The following SVOPL variants were observed in gnomAD, a reference collection of about 807,000 sequenced individuals.
The protein encoded by SVOPL is putative transporter SVOPL.
In SVOPL, 60 loss-of-function variants were observed where a neutral mutation model predicts 61.0. The observed-to-expected ratio is 0.98, with a 90% CI of 0.80 to 1.22. The LOEUF (loss-of-function observed/expected upper bound fraction) is 1.22. SVOPL is among the 50% of genes most tolerant of loss of function. SVOPL has a pLI of 0.00. For synonymous variants in SVOPL, 279 were observed against 250.0 expected (o/e 1.12, Z -1.09); for missense variants, 662 against 643.9 (o/e 1.03, Z -0.30).
chr7:138,659,265 G>A (rs2117070400), intron 6 of SVOPL, among the ~76,000 whole-genome samples: 1 of 152,262 alleles, frequency 6.6e-6, no homozygotes, highest in Non-Finnish European at 1.5e-5. Context: ...GCCAAGGCGG[G>A]TGGATTACCT....
intron 3 of SVOPL, among the ~76,000 whole-genome samples, chr7:138,673,812 A>T (rs1802487875): frequency 6.6e-6 from 1 of 152,186 alleles, no homozygotes; most frequent in Non-Finnish European, 1.5e-5. Flanking sequence ...TAGTAGCCTT[A>T]GGGGAGAGGG....
At chr7:138,642,914 A>C (rs1584822030) in intron 9 of SVOPL, among the ~76,000 whole-genome samples, 2 of 151,928 alleles carry the variant, frequency 1.3e-5, no homozygotes, top group East Asian at 3.9e-4. Context: ...AAGTATAAAC[A>C]AAAGTAGACT....
At chr7:138,674,055 G>A (rs1340877003) in intron 3 of SVOPL, among the ~76,000 whole-genome samples, 1 of 151,966 alleles carries the variant, frequency 6.6e-6, no homozygotes, top group Non-Finnish European at 1.5e-5. Context: ...GGGCGTGGTG[G>A]CATGTGCCTA....
chr7:138,661,389 A>G (rs754938592), intron 5 of SVOPL: 6 of 985,292 alleles, frequency 6.1e-6, no homozygotes, highest in African/African-American at 3.5e-5. Flanking sequence ...ACATCCATCA[A>G]CTTGAGAGAG....
intron 14 of SVOPL, among the ~76,000 whole-genome samples, chr7:138,603,607 G>T (rs1393683557): frequency 6.6e-6 from 1 of 152,182 alleles, no homozygotes; most frequent in Non-Finnish European, 1.5e-5. Context: ...GGCAGGCAGA[G>T]GTTGCAGTGA....
chr7:138,648,811 A>G (rs1801269452), intron 8 of SVOPL, among the ~76,000 whole-genome samples: 1 of 151,982 alleles, frequency 6.6e-6, no homozygotes, highest in Admixed American at 6.6e-5. Context: ...AATCCCAGCT[A>G]CTCGGGAGGC....
At chr7:138,644,308 C>T (rs985298151) in intron 9 of SVOPL, among the ~76,000 whole-genome samples, 4 of 150,688 alleles carry the variant, frequency 2.7e-5, no homozygotes, top group African/African-American at 9.7e-5. Context: ...GAGCCAATTT[C>T]ACCAAATGTT....
intron 4 of SVOPL, among the ~76,000 whole-genome samples, chr7:138,671,536 C>T (rs1353308277): frequency 3.3e-5 from 5 of 152,004 alleles, no homozygotes; most frequent in African/African-American, 7.2e-5. Context: ...TTAGTAGAGA[C>T]GGGGTTTCAC....
chr7:138,665,991 C>G (rs1802247294), intron 4 of SVOPL, among the ~76,000 whole-genome samples: 1 of 152,192 alleles, frequency 6.6e-6, no homozygotes, highest in East Asian at 1.9e-4. Context: ...GCCTGAGCAA[C>G]AGAGTGCATC....
intron 14 of SVOPL, 43 bp downstream of exon 14, chr7:138,621,003 C>CT: frequency 1.3e-6 from 2 of 1,582,222 alleles, no homozygotes; most frequent in Non-Finnish European, 8.7e-7. Context: ...CTCTTACCCC[C>CT]TCTCTCAGAC....
chr7:138,633,320 G>T (rs1209606209), intron 9 of SVOPL, among the ~76,000 whole-genome samples: 1 of 152,182 alleles, frequency 6.6e-6, no homozygotes, highest in East Asian at 1.9e-4. Context: ...GAGGCTTATG[G>T]GAGGTGTTTG....
intron 13 of SVOPL, 146 bp from the exon 14 acceptor site, chr7:138,621,281 T>A (rs965478808): frequency 1.8e-6 from 1 of 547,946 alleles, no homozygotes; most frequent in African/African-American, 2.0e-5. Context: ...GTGTTGATTT[T>A]CTCAGGTACA....
At chr7:138,654,486 G>A (rs567531538) in intron 7 of SVOPL, among the ~76,000 whole-genome samples, 1 of 144,690 alleles carries the variant, frequency 6.9e-6, no homozygotes, top group South Asian at 2.2e-4. Flanking sequence ...TTTACAGCAT[G>A]GTTTACTGAG....
At chr7:138,688,059 C>A (rs1035487825) in intron 1 of SVOPL, among the ~76,000 whole-genome samples, 8 of 152,118 alleles carry the variant, frequency 5.3e-5, no homozygotes, top group Non-Finnish European at 1.0e-4. Flanking sequence ...CCTCGGCCCC[C>A]CACAGTGCTG....
chr7:138,638,729 G>A (rs988839273), intron 9 of SVOPL, among the ~76,000 whole-genome samples: 49 of 152,132 alleles, frequency 3.2e-4, no homozygotes, highest in African/African-American at 1.1e-3. Flanking sequence ...CCAGATAAAG[G>A]TAAAGGTAGC....
chr7:138,601,339 C>T (rs1798516137), intron 14 of SVOPL, among the ~76,000 whole-genome samples: 1 of 151,000 alleles, frequency 6.6e-6, no homozygotes, highest in South Asian at 2.1e-4. Flanking sequence ...GCATTATTCA[C>T]AGCAGTCAAA....
chr7:138,627,334 A>G lies in SVOPL; in HGVS notation c.1181+16T>C. The G allele has an allele frequency of 6.3e-7, 1 of 1,592,948 alleles. No individual in the cohort carries two copies. The highest frequency in any genetic ancestry group is 8.6e-7 in the Non-Finnish European group (1 of 1,161,156). On this transcript the variant is annotated intron_variant, in intron 12 of 15. Coordinates refer to ENST00000674285, the MANE Select transcript of SVOPL (RefSeq NM_001139456.2). ...AAACCACTGCACAAAATCTGAAGCA[A>G]TTAAACAGAAAATACCTTGAAGTGC... is the stretch of plus-strand genomic sequence containing the variant.
At chr7:138,647,877 G>A (rs1415419641) in intron 8 of SVOPL, among the ~76,000 whole-genome samples, 2 of 149,690 alleles carry the variant, frequency 1.3e-5, no homozygotes, top group Non-Finnish European at 3.0e-5. Context: ...ATAGTCACAT[G>A]CCTGAAGCTA....
intron 13 of SVOPL, among the ~76,000 whole-genome samples, chr7:138,624,021 T>C (rs1277833908): frequency 6.6e-6 from 1 of 152,134 alleles, no homozygotes; most frequent in Non-Finnish European, 1.5e-5. Context: ...GGTTTCACCA[T>C]GTTGGCCAGG....
Sources: gnomAD v4.1 joint callset for allele counts (sites outside exome capture counted in the v4.1 genomes callset) on GRCh38, gnomAD v4.1.1 for gene constraint, MANE v1.5 for transcripts, NCBI Gene and HGNC (gene_info 2026-07-23, HGNC 2026-07-21) for gene names.